The following ACER3 variants were observed in gnomAD, a reference collection of about 807,000 sequenced individuals.
The protein encoded by ACER3 is alkaline ceramidase 3, also known as alkCDase 3.
ACER3 carries 16 observed loss-of-function variants against 48.9 expected under a neutral mutation model. The observed-to-expected ratio is 0.33, with a 90% CI of 0.22 to 0.50. The LOEUF (loss-of-function observed/expected upper bound fraction) is 0.50. Among genes scored for constraint, ACER3 ranks in the 20% least tolerant of loss-of-function variants. The pLI is 0.98. For synonymous variants in ACER3, 109 were observed against 107.8 expected, an observed-to-expected ratio of 1.01 and a Z score of -0.07; for missense variants, 227 against 326.0, an observed-to-expected ratio of 0.70 and a Z score of 2.34.
intron 1 of ACER3, among the ~76,000 whole-genome samples, chr11:76,872,998 A>G (rs952287035): frequency 6.0e-5 from 9 of 148,832 alleles, no homozygotes; most frequent in African/African-American, 2.3e-4. Context: ...TGTAACCTCA[A>G]ACTCCTGGGT....
In ACER3 at chr11:77,025,492, C is replaced by G. The variant is rs1949538853; in HGVS notation, c.*5165C>G. 6.6e-6 allele frequency: 1 copy of G among 151,312 alleles called. No homozygotes were observed. The highest frequency in any genetic ancestry group is 2.4e-5 in the African/African-American group (1 of 40,984). The allele number at this position is 151,312 out of a possible 1,614,324, so 9.4% of individuals were successfully genotyped here. ...GCAGGATCTCAACTCATTGCAACCT[C>G]CGCCTCCCAAGGTTCAAGCGATTCT... is the stretch of plus-strand genomic sequence containing the variant. On this transcript the variant is annotated 3_prime_UTR_variant, in exon 11 of 11. Coordinates refer to ENST00000532485, the MANE Select transcript of ACER3 (RefSeq NM_018367.7).
At chr11:76,930,935 T>C (rs529751918) in intron 2 of ACER3, among the ~76,000 whole-genome samples, 57 of 151,548 alleles carry the variant, frequency 3.8e-4, no homozygotes, top group African/African-American at 1.4e-3. Context: ...AAAGAATGTA[T>C]ATTCTGTTGA....
intron 1 of ACER3, among the ~76,000 whole-genome samples, chr11:76,918,523 A>G (rs1157805077): frequency 6.6e-6 from 1 of 151,828 alleles, no homozygotes; most frequent in Non-Finnish European, 1.5e-5. Context: ...CTTTTTATTT[A>G]TATCATAAGT....
Position 76,923,039 on chromosome 11 carries a change from A to T in ACER3, c.104-3518A>T, listed in dbSNP as rs906156863. 4.6e-5 allele frequency among the ~76,000 whole-genome samples: 7 copies of T among 152,186 alleles called. No homozygotes were observed. The South Asian group carries it at 6.2e-4, about 14-fold the overall frequency. ...TTTATCAAAGCAATATATAAAAAAA[A>T]TTTAAAAATCTAGATAATGCTAAAC... On this transcript the variant is annotated intron_variant, in intron 1 of 10. Transcript: ENST00000532485.
intron 2 of ACER3, among the ~76,000 whole-genome samples, chr11:76,952,761 G>A (rs1947719224): frequency 6.7e-6 from 1 of 148,374 alleles, no homozygotes; most frequent in African/African-American, 2.5e-5. Context: ...CCGCCTCCCA[G>A]GTTAAGCAAT....
At chr11:76,992,977 T>C (rs1948834535) in intron 6 of ACER3, among the ~76,000 whole-genome samples, 1 of 151,886 alleles carries the variant, frequency 6.6e-6, no homozygotes, top group African/African-American at 2.4e-5. Flanking sequence ...CAAGCAGTCC[T>C]CCCACCTCAG....
chr11:76,960,414 T>C (rs1947957827), intron 3 of ACER3, among the ~76,000 whole-genome samples: 1 of 151,642 alleles, frequency 6.6e-6, no homozygotes, highest in African/African-American at 2.4e-5. Flanking sequence ...TCTCAAATAA[T>C]AATAATAATC....
chr11:76,871,877 T>G (rs1590860999), intron 1 of ACER3, among the ~76,000 whole-genome samples: 1 of 152,320 alleles, frequency 6.6e-6, no homozygotes, highest in East Asian at 1.9e-4. Flanking sequence ...ATTTATCATG[T>G]GATGGTATGT....
intron 1 of ACER3, among the ~76,000 whole-genome samples, chr11:76,866,846 G>T (rs1382807830): frequency 6.6e-6 from 1 of 152,118 alleles, no homozygotes; most frequent in Middle Eastern, 3.2e-3. Flanking sequence ...CTATCTATAC[G>T]AAGTGGAGTT....
chr11:77,022,219 T>C lies in ACER3; in HGVS notation c.*1892T>C, dbSNP rs782405007. On this transcript the variant is annotated 3_prime_UTR_variant, in exon 11 of 11. Transcript: ENST00000532485. Reference sequence around the variant, plus strand: ...TACATGGCAATGCTGTTAAACATGGTAAGACTGAGGTTCTGCAGGATTAAA... The same window carrying C: ...TACATGGCAATGCTGTTAAACATGGCAAGACTGAGGTTCTGCAGGATTAAA... 6.6e-6 allele frequency: 1 copy of C among 152,212 alleles called. No individual in the cohort carries two copies. Among genetic ancestry groups the C allele is most frequent in the Non-Finnish European group, 1.5e-5 (1 of 68,052 alleles). The allele number at this position is 152,212 out of a possible 1,614,324, so 9.4% of individuals were successfully genotyped here. A position where few individuals can be genotyped will look rare whatever the true frequency, so the allele number is the denominator to read the frequency against.
chr11:76,971,196 T>G (rs1025152165), intron 3 of ACER3, among the ~76,000 whole-genome samples: 3 of 152,142 alleles, frequency 2.0e-5, no homozygotes, highest in African/African-American at 7.2e-5. Context: ...ACATGTTGTG[T>G]TGTAGGGAAG....
At position 76,958,980 on chromosome 11, in the gene ACER3, G is replaced by T. The variant is rs1190219789; in HGVS notation, c.216G>T (p.Val72=). The change falls in exon 3 of 11, where the codon GTG becomes GTT. Residue 72 remains valine, a splice_region_variant and synonymous_variant. Transcript: ENST00000532485. ...RYIASYLALT[V]VGMGSWCFHM... ...TTTTTTTCATTTGTTTAATTTCAGTGGTAGGAATGGGATCCTGGTGCTTCC... is the reference window on the plus strand; with the variant it reads ...TTTTTTTCATTTGTTTAATTTCAGTTGTAGGAATGGGATCCTGGTGCTTCC... 1 of 1,613,904 alleles carries T rather than the reference G, an allele frequency of 6.2e-7. No homozygotes were observed. Among genetic ancestry groups the T allele is most frequent in the East Asian group, 2.2e-5 (1 of 44,860 alleles).
chr11:76,977,235 T>C (rs1158404446), intron 4 of ACER3, among the ~76,000 whole-genome samples: 1 of 152,162 alleles, frequency 6.6e-6, no homozygotes, highest in Admixed American at 6.6e-5. Flanking sequence ...CACTGAAATA[T>C]CCCTGGAAAT....
intron 3 of ACER3, chr11:76,959,337 A>C: frequency 1.3e-6 from 1 of 765,028 alleles, no homozygotes; most frequent in Non-Finnish European, 1.8e-6. Flanking sequence ...AGTTCACCAG[A>C]ACAATATATT....
chr11:76,985,771 T>A, intron 5 of ACER3, 47 bp downstream of exon 5: 1 of 1,146,122 alleles, frequency 8.7e-7, no homozygotes. Context: ...AAATTCACCA[T>A]TTATGGAGTT....
chr11:77,020,410 T>G lies in ACER3; in HGVS notation c.*83T>G. 2.7e-6 allele frequency: 4 copies of G among 1,464,966 alleles called. No homozygotes were observed. The highest frequency in any genetic ancestry group is 3.8e-6 in the Non-Finnish European group (4 of 1,060,610). The allele number at this position is 1,464,966 out of a possible 1,614,324, so 90.7% of individuals were successfully genotyped here. A position where few individuals can be genotyped will look rare whatever the true frequency, so the allele number is the denominator to read the frequency against. ...AAGGAAATCCTTAAAGATCTACAAG[T>G]TCAAATATGTCATGACCATCACAGC... On this transcript the variant is annotated 3_prime_UTR_variant, in exon 11 of 11. Coordinates refer to ENST00000532485, the MANE Select transcript of ACER3 (RefSeq NM_018367.7).
At chr11:76,899,049 G>T (rs960613323) in intron 1 of ACER3, among the ~76,000 whole-genome samples, 1 of 151,324 alleles carries the variant, frequency 6.6e-6, no homozygotes, top group Admixed American at 6.6e-5. Context: ...CATCAGGAAA[G>T]ACTTTAAATT....
chr11:76,987,638 C>T (rs1263557847), intron 5 of ACER3, among the ~76,000 whole-genome samples: 1 of 151,988 alleles, frequency 6.6e-6, no homozygotes, highest in African/African-American at 2.4e-5. Context: ...TAGCATAGGC[C>T]GTTAAGATGA....
rs12792870 is a variant in ACER3, at chr11:76,965,972, T to C, written c.267+6941T>C. 5.8e-4 allele frequency among the ~76,000 whole-genome samples: 87 copies of C among 151,048 alleles called. No homozygotes were observed. In the South Asian group the frequency reaches 0.011, roughly 19 times the overall value. On this transcript the variant is annotated intron_variant, in intron 3 of 10. Coordinates refer to ENST00000532485, the MANE Select transcript of ACER3 (RefSeq NM_018367.7). ...CACACATAACAATATTAACCTTAAA[T>C]GTAAATGGGCTAAATGCTCCAATTA...
Sources: allele counts gnomAD v4.1 joint callset (sites outside exome capture counted in the v4.1 genomes callset), GRCh38; gene constraint gnomAD v4.1.1; transcripts MANE v1.5; gene names NCBI Gene and HGNC (gene_info 2026-07-23, HGNC 2026-07-21).